The following UBA3 variants were observed in gnomAD, a reference collection of about 807,000 sequenced individuals.
UBA3 encodes ubiquitin like modifier activating enzyme 3, also known as NEDD8-activating enzyme E1 catalytic subunit.
A neutral mutation model predicts 73.5 loss-of-function variants in UBA3; 26 were observed. The observed-to-expected ratio is 0.35, with a 90% CI of 0.26 to 0.49. UBA3 has a LOEUF of 0.49. UBA3 is among the 20% of genes least tolerant of loss of function. UBA3 has a pLI of 0.98. For synonymous variants in UBA3, 217 were observed against 191.2 expected (o/e 1.13, Z -1.11); for missense variants, 495 against 555.6 (o/e 0.89, Z 1.10).
chr3:69,075,774 A>C (rs1204349726), intron 3 of UBA3, among the ~76,000 whole-genome samples: 1 of 151,688 alleles, frequency 6.6e-6, no homozygotes, highest in Non-Finnish European at 1.5e-5. Context: ...CTCTTGTCAC[A>C]CAGGCTGGAG....
rs183544789 is a variant in UBA3 at position 69,060,800 on chromosome 3, G to A, written c.910+1014C>T. Among the ~76,000 whole-genome samples, 258 of 152,250 alleles carry A rather than the reference G, an allele frequency of 1.7e-3. 3 individuals carry two copies. The highest frequency in any genetic ancestry group is 5.8e-3 in the African/African-American group (242 of 41,548). ...GCCCTCCCTGTGATATTAAGTTCACGCAAGAGCTGGTTATTAAAAGAAGCC... is the reference window on the plus strand; with the variant it reads ...GCCCTCCCTGTGATATTAAGTTCACACAAGAGCTGGTTATTAAAAGAAGCC... On this transcript the variant is annotated intron_variant, in intron 11 of 17. Transcript: ENST00000361055.
chr3:69,060,290 C>CAA (rs796240868), intron 11 of UBA3, among the ~76,000 whole-genome samples: 5 of 138,420 alleles, frequency 3.6e-5, no homozygotes, highest in African/African-American at 1.3e-4. Context: ...TTAAGAAAAA[C>CAA]AAAAAAAAAA....
At chr3:69,080,177 G>A in intron 1 of UBA3, 24 bp from the exon 2 acceptor site, 1 of 1,606,928 alleles carries the variant, frequency 6.2e-7, no homozygotes, top group Non-Finnish European at 8.5e-7. Context: ...TAAAAGAAGG[G>A]TCAGCATCGC....
intron 3 of UBA3, 47 bp from the exon 4 acceptor site, chr3:69,075,557 A>G: frequency 8.0e-7 from 1 of 1,247,856 alleles, no homozygotes; most frequent in Non-Finnish European, 1.1e-6. Flanking sequence ...ATAACCGCAA[A>G]GACTATAAAT....
chr3:69,080,104 G>A lies in UBA3; in HGVS notation c.62+8C>T. The A allele has an allele frequency of 6.2e-7, 1 of 1,608,698 alleles. No homozygotes were observed. Among genetic ancestry groups the A allele is most frequent in the Non-Finnish European group, 8.5e-7 (1 of 1,178,628 alleles). The stretch of plus-strand genomic sequence containing the variant: ...CGGAGAGGGCCCCGGCCTCCCGGCA[G>A]CACTAACTTCTCAGCCAGCAGCTCC... On this transcript the variant is annotated splice_region_variant and intron_variant, in intron 2 of 17. Transcript: ENST00000361055.
chr3:69,066,785 T>G (rs552201370), intron 6 of UBA3, among the ~76,000 whole-genome samples: 1 of 152,316 alleles, frequency 6.6e-6, no homozygotes, highest in South Asian at 2.1e-4. Context: ...ATTTTGTATG[T>G]TTAGGTCAAA....
intron 5 of UBA3, among the ~76,000 whole-genome samples, chr3:69,069,409 C>T (rs991512504): frequency 8.5e-5 from 13 of 152,096 alleles, no homozygotes; most frequent in Admixed American, 7.2e-4. Flanking sequence ...CTCACTATAA[C>T]CTCTGCCTCC....
At chr3:69,079,207 T>C (rs932491668) in intron 2 of UBA3, among the ~76,000 whole-genome samples, 3 of 152,180 alleles carry the variant, frequency 2.0e-5, no homozygotes, top group Admixed American at 6.5e-5. Flanking sequence ...CATGAGGATA[T>C]AGATAATCAC....
At chr3:69,062,953 A>G in intron 9 of UBA3, 29 bp downstream of exon 9, 1 of 1,612,044 alleles carries the variant, frequency 6.2e-7, no homozygotes, top group Non-Finnish European at 8.5e-7. Flanking sequence ...AAGATACTAT[A>G]AAAGAAATGC....
At chr3:69,080,310 C>T (rs1013165037) in intron 1 of UBA3, 24 bp downstream of exon 1, 4 of 1,604,064 alleles carry the variant, frequency 2.5e-6, no homozygotes, top group East Asian at 2.2e-5. Flanking sequence ...CAGCCCGGCG[C>T]GTCTGCAGAG....
chr3:69,079,768 G>A (rs1003999352), intron 2 of UBA3: 5 of 331,826 alleles, frequency 1.5e-5, no homozygotes, highest in Non-Finnish European at 2.2e-5. Context: ...GTGTGTTTAA[G>A]GTAGATTGCC....
intron 5 of UBA3, among the ~76,000 whole-genome samples, chr3:69,069,691 T>C (rs1044926343): frequency 6.6e-6 from 1 of 152,216 alleles, no homozygotes; most frequent in Non-Finnish European, 1.5e-5. Context: ...AAATGTTTTA[T>C]CTTCACTTTG....
intron 2 of UBA3, among the ~76,000 whole-genome samples, chr3:69,078,604 G>C (rs929635232): frequency 2.0e-5 from 3 of 152,112 alleles, no homozygotes; most frequent in Non-Finnish European, 2.9e-5. Context: ...CTCCCAAGTA[G>C]CTGTGCCTAC....
At chr3:69,077,565 G>C in intron 3 of UBA3, 1 of 397,734 alleles carries the variant, frequency 2.5e-6, no homozygotes, top group Non-Finnish European at 4.5e-6. Flanking sequence ...AGGTCATGAA[G>C]TTAGATTTTT....
intron 4 of UBA3, among the ~76,000 whole-genome samples, chr3:69,073,636 CTTTT>C (rs554961674): frequency 7.1e-6 from 1 of 140,750 alleles, no homozygotes. Flanking sequence ...ATATTAGTAT[CTTTT>C]TTTTTTTTTT....
chr3:69,075,527 G>A lies in UBA3; in HGVS notation c.184-17C>T. 1 of 1,498,008 alleles carries A rather than the reference G, an allele frequency of 6.7e-7. No individual in the cohort carries two copies. Among genetic ancestry groups the A allele is most frequent in the Non-Finnish European group, 8.9e-7 (1 of 1,120,122 alleles). The allele number at this position is 1,498,008 out of a possible 1,614,324, so 92.8% of individuals were successfully genotyped here. On this transcript the variant is annotated splice_polypyrimidine_tract_variant and intron_variant, in intron 3 of 17. Transcript: ENST00000361055. Reference sequence around the variant, plus strand: ...CTGGAGAGACTGTAAAGAATGGAAAGGCATATTAAAAGCTGGGTGATAACC... The same window carrying A: ...CTGGAGAGACTGTAAAGAATGGAAAAGCATATTAAAAGCTGGGTGATAACC...
At chr3:69,059,199 G>A (rs997066946) in intron 11 of UBA3, among the ~76,000 whole-genome samples, 7 of 152,186 alleles carry the variant, frequency 4.6e-5, no homozygotes, top group East Asian at 1.9e-4. Context: ...GTGTTAGACT[G>A]AGAATGATGG....
chr3:69,077,616 A>T (rs1208431583), intron 3 of UBA3, 182 bp downstream of exon 3: 1 of 620,568 alleles, frequency 1.6e-6, no homozygotes, highest in African/African-American at 1.9e-5. Context: ...AGAAATGTTA[A>T]GACTCAAATA....
chr3:69,071,566 C>T lies in UBA3; in HGVS notation c.316G>A (p.Val106Ile). Residue 106 changes from valine to isoleucine, a missense_variant, in exon 5 of 18, where the codon GTT becomes ATT. Physicochemically the swap from Val to Ile is conservative, Grantham distance 29. Coordinates refer to ENST00000361055, the MANE Select transcript of UBA3 (RefSeq NM_003968.4). ...IHVIDMDTID[V>I]SNLNRQFLFR... Reference sequence around the variant, plus strand: ...AAAAACTGCCTATTTAGATTGGAAACATCTATAGTGTCCATATCTATAACA... The same window carrying T: ...AAAAACTGCCTATTTAGATTGGAAATATCTATAGTGTCCATATCTATAACA... 6.4e-7 allele frequency: 1 copy of T among 1,568,080 alleles called. No individual in the cohort carries two copies. Among genetic ancestry groups the T allele is most frequent in the South Asian group, 1.2e-5 (1 of 82,840 alleles).
Sources: gnomAD v4.1 joint callset for allele counts (sites outside exome capture counted in the v4.1 genomes callset) on GRCh38, gnomAD v4.1.1 for gene constraint, MANE v1.5 for transcripts, NCBI Gene and HGNC (gene_info 2026-07-23, HGNC 2026-07-21) for gene names.